Variants in TUBA4B observed in about 807,000 individuals in gnomAD.
The protein encoded by TUBA4B is tubulin alpha 4b.
In TUBA4B, 13 loss-of-function variants were observed where a neutral mutation model predicts 18.4. The ratio of observed to expected loss-of-function variants is 0.71; its 90% CI spans 0.46 to 1.12. The LOEUF (loss-of-function observed/expected upper bound fraction) is 1.12. Ranked by LOEUF, TUBA4B falls within the 50% of genes most tolerant of loss-of-function variation. The pLI, the probability that TUBA4B is intolerant of heterozygous loss-of-function variation, is 0.00. For missense variants in TUBA4B, 244 were observed against 250.0 expected (o/e 0.98, Z 0.16); for synonymous variants, 101 against 99.1 (o/e 1.02, Z -0.11).
intron 1 of TUBA4B, chr2:219,253,850 A>C: frequency 1.3e-6 from 2 of 1,502,626 alleles, no homozygotes; most frequent in South Asian, 1.3e-5. Flanking sequence ...GCCGGGCCGC[A>C]CTCACCATGG....
In TUBA4B at chr2:219,269,348, T is replaced by C. The variant is rs577451944; in HGVS notation, c.59-854T>C. On this transcript the variant is annotated intron_variant, in intron 2 of 3. Coordinates refer to ENST00000490341, the MANE Select transcript of TUBA4B (RefSeq NM_001355221.1). ...CTAGATTCATTCGATTCCTTCAATG[T>C]TGCTCATTGAGACAGGCACTGAGCA... Among the ~76,000 whole-genome samples, 3 of 152,314 alleles carry C rather than the reference T, an allele frequency of 2.0e-5. No homozygotes were observed. The South Asian group carries it at 6.2e-4, about 32-fold the overall frequency.
At chr2:219,260,957 G>A (rs541122101) in intron 1 of TUBA4B, among the ~76,000 whole-genome samples, 1 of 152,104 alleles carries the variant, frequency 6.6e-6, no homozygotes, top group East Asian at 1.9e-4. Context: ...GGACAAGAGC[G>A]AGACTTCATC....
chr2:219,267,620 A>G (rs1175335205), intron 2 of TUBA4B, among the ~76,000 whole-genome samples: 3 of 149,784 alleles, frequency 2.0e-5, no homozygotes, highest in Admixed American at 1.3e-4. Context: ...TCTGGAGTGC[A>G]GTGGCGCAAT....
intron 1 of TUBA4B, chr2:219,254,558 C>T (rs559500391): frequency 2.0e-5 from 3 of 152,340 alleles, no homozygotes; most frequent in Admixed American, 2.0e-4. Flanking sequence ...GGGCCGACCC[C>T]GGAATCTGCC....
At chr2:219,264,826 A>C (rs1246982722) in intron 1 of TUBA4B, among the ~76,000 whole-genome samples, 1 of 152,192 alleles carries the variant, frequency 6.6e-6, no homozygotes, top group Non-Finnish European at 1.5e-5. Flanking sequence ...AACTGCAGAA[A>C]GTGGCTAATG....
intron 1 of TUBA4B, chr2:219,254,521 G>A (rs1303965002): frequency 6.6e-6 from 1 of 152,288 alleles, no homozygotes; most frequent in East Asian, 1.9e-4. Flanking sequence ...CGCTCCCGCA[G>A]AGTCGAGCCC....
chr2:219,260,148 A>G (rs1430984887), intron 1 of TUBA4B, among the ~76,000 whole-genome samples: 4 of 151,886 alleles, frequency 2.6e-5, no homozygotes, highest in Admixed American at 6.6e-5. Context: ...GGCCTCTGAT[A>G]GCTTAATTTT....
intron 1 of TUBA4B, among the ~76,000 whole-genome samples, chr2:219,262,243 A>G (rs969403047): frequency 8.5e-5 from 13 of 152,188 alleles, no homozygotes; most frequent in Middle Eastern, 3.2e-3. Flanking sequence ...CCCAGGAGGC[A>G]GAGCTTGCAG....
Position 219,271,610 on chromosome 2 carries a change from C to T in TUBA4B, c.637C>T (p.Gln213Ter), listed in dbSNP as rs1951826847. ...CACTTCCCCCTGGCCACCTATGCAC[C>T]AGTCATCTCTGCAGAAAAGGTATAC... ...TSTSPWPPMH[Q>*]SSLQKRYTTS... The change falls in exon 4 of 4, where the codon CAG becomes TAG. Residue 213 changes from glutamine (Q) to a stop codon, truncating the protein, a stop_gained. Transcript: ENST00000490341. LOFTEE classifies it high-confidence loss of function. 1 of 1,614,110 alleles carries T rather than the reference C, an allele frequency of 6.2e-7. No individual in the cohort carries two copies. Among genetic ancestry groups the T allele is most frequent in the South Asian group, 1.1e-5 (1 of 91,080 alleles).
chr2:219,272,128 T>G lies in TUBA4B; in HGVS notation c.*429T>G. 1.9e-5 allele frequency: 13 copies of G among 671,048 alleles called. No homozygotes were observed. The highest frequency in any genetic ancestry group is 6.3e-5 in the African/African-American group (3 of 47,452). The allele number at this position is 671,048 out of a possible 1,614,324, so 41.6% of individuals were successfully genotyped here. A position where few individuals can be genotyped will look rare whatever the true frequency, so the allele number is the denominator to read the frequency against. On this transcript the variant is annotated 3_prime_UTR_variant, in exon 4 of 4. Transcript: ENST00000490341. ...AGTGTGGAGTGGGGGGAAGAAAAGA[T>G]AGGGGGGATGAATACTAGGGGAATA...
Position 219,271,215 on chromosome 2 carries a change from G to A in TUBA4B, c.242G>A (p.Gly81Asp), listed in dbSNP as rs111422425. ...GGCTTCCTGGTGTTCCACAGCCTTG[G>A]TCGGGGCACTGGCTCTGACGTCACC... ...LQGFLVFHSL[G>D]RGTGSDVTSF... Residue 81 changes from glycine to aspartate, a missense_variant, in exon 4 of 4, where the codon GGT becomes GAT. By Grantham distance (94) the Gly-to-Asp change is moderately conservative. Transcript: ENST00000490341. 5 of 1,153,732 alleles carry A rather than the reference G, an allele frequency of 4.3e-6. No individual in the cohort carries two copies. The African/African-American group carries it at 4.5e-5, about 10-fold the overall frequency. The allele number at this position is 1,153,732 out of a possible 1,614,324, so 71.5% of individuals were successfully genotyped here.
Position 219,264,331 on chromosome 2 carries a change from G to A in TUBA4B, c.13-2190G>A, listed in dbSNP as rs200921878. Among the ~76,000 whole-genome samples, 3 of 152,112 alleles carry A rather than the reference G, an allele frequency of 2.0e-5. No individual in the cohort carries two copies. The East Asian group carries it at 5.8e-4, about 29-fold the overall frequency. On this transcript the variant is annotated intron_variant, in intron 1 of 3. Transcript: ENST00000490341. The stretch of plus-strand genomic sequence containing the variant: ...AAAAATTAGCCAGGCGTGGTGGCAT[G>A]TGCCTGTAATCCAAGCTACTCAGGA...
intron 1 of TUBA4B, chr2:219,253,787 G>A: frequency 1.3e-6 from 2 of 1,523,970 alleles, no homozygotes; most frequent in Non-Finnish European, 1.8e-6. Context: ...GAGCATGCCT[G>A]GAAGAAGTGT....
Position 219,270,210 on chromosome 2 carries a change from C to T in TUBA4B, c.67C>T (p.Arg23Cys), listed in dbSNP as rs760740325. The part of the protein sequence containing the change: ...QPLSRQHGTY[R>C]QIFHPEQLIT... ...AGATGAACTTTGAACAGGCACATAC[C>T]GCCAGATCTTCCATCCAGAGCAGCT... Residue 23 changes from arginine (R) to cysteine (C), a missense_variant, in exon 3 of 4, where the codon CGC (arginine) becomes TGC (cysteine). Coordinates refer to ENST00000490341, the MANE Select transcript of TUBA4B (RefSeq NM_001355221.1). The T allele has an allele frequency of 2.8e-5, 21 of 753,830 alleles. No homozygotes were observed. The highest frequency in any genetic ancestry group is 2.3e-4 in the Middle Eastern group (1 of 4,440). The allele number at this position is 753,830 out of a possible 1,614,324, so 46.7% of individuals were successfully genotyped here. A position where few individuals can be genotyped will look rare whatever the true frequency, so the allele number is the denominator to read the frequency against.
chr2:219,253,952 G>C lies in TUBA4B; in HGVS notation c.12+533G>C, dbSNP rs899360049. ...CAGTGCCGCACCGCCCTTATAGGCG[G>C]GGGGGGGGCGGGGCCCGCGTTCCCC... On this transcript the variant is annotated intron_variant, in intron 1 of 3. Coordinates refer to ENST00000490341, the MANE Select transcript of TUBA4B (RefSeq NM_001355221.1). 5.0e-5 allele frequency: 58 copies of C among 1,158,494 alleles called. 1 individual carries two copies. The Middle Eastern group carries it at 1.6e-3, about 31-fold the overall frequency. The allele number at this position is 1,158,494 out of a possible 1,614,324, so 71.8% of individuals were successfully genotyped here.
Position 219,269,991 on chromosome 2 carries a change from C to T in TUBA4B, c.59-211C>T, listed in dbSNP as rs557522115. Among the ~76,000 whole-genome samples, 29 of 152,276 alleles carry T rather than the reference C, an allele frequency of 1.9e-4. No individual in the cohort carries two copies. The South Asian group carries it at 3.5e-3, about 18-fold the overall frequency. ...GTACAGAATCACTGTTACTCAGCTC[C>T]TGAGTCTGTAGGCCACTCCACATCC... On this transcript the variant is annotated intron_variant, in intron 2 of 3. Coordinates refer to ENST00000490341, the MANE Select transcript of TUBA4B (RefSeq NM_001355221.1).
chr2:219,255,772 T>C (rs1951714786), intron 1 of TUBA4B, among the ~76,000 whole-genome samples: 1 of 152,176 alleles, frequency 6.6e-6, no homozygotes, highest in Non-Finnish European at 1.5e-5. Flanking sequence ...TTCCTGGCTC[T>C]ACATCACTTG....
At chr2:219,263,984 G>A (rs546822814) in intron 1 of TUBA4B, among the ~76,000 whole-genome samples, 1 of 152,172 alleles carries the variant, frequency 6.6e-6, no homozygotes, top group Non-Finnish European at 1.5e-5. Context: ...CCTGGTTTTG[G>A]CTGCTATCTG....
intron 1 of TUBA4B, 66 bp from the exon 2 acceptor site, chr2:219,266,455 A>G (rs1951790030): frequency 1.5e-6 from 1 of 678,980 alleles, no homozygotes; most frequent in South Asian, 1.6e-5. Flanking sequence ...CCCAGCGAGT[A>G]TAAGGAGGAG....
Sources: gnomAD v4.1 joint callset for allele counts (sites outside exome capture counted in the v4.1 genomes callset) on GRCh38, gnomAD v4.1.1 for gene constraint, MANE v1.5 for transcripts, NCBI Gene and HGNC (gene_info 2026-07-23, HGNC 2026-07-21) for gene names.